SPECC1L: variants seen among roughly 807,000 people sequenced by gnomAD.
SPECC1L encodes cytospin-A.
SPECC1L carries 40 observed loss-of-function variants against 116.8 expected under a neutral mutation model. The observed-to-expected ratio is 0.34, with a 90% CI of 0.27 to 0.45. SPECC1L has a LOEUF of 0.45. SPECC1L is among the 20% of genes least tolerant of loss of function. SPECC1L has a pLI of 1.00. For synonymous variants in SPECC1L, 504 were observed against 500.6 expected (o/e 1.01, Z -0.09); for missense variants, 1,110 against 1,373.6 (o/e 0.81, Z 3.03).
Position 24,415,059 on chromosome 22 carries a change from C to T in SPECC1L, c.*436C>T. ...CTATTGGCTGGGGTGGGTTCCGGTG[C>T]TGGTGAGAACCCAGAAGGAGAGTCA... On this transcript the variant is annotated 3_prime_UTR_variant, in exon 17 of 17. Coordinates refer to ENST00000314328, the MANE Select transcript of SPECC1L (RefSeq NM_015330.6). 4.1e-6 allele frequency: 1 copy of T among 243,288 alleles called. No homozygotes were observed. The highest frequency in any genetic ancestry group is 5.2e-5 in the South Asian group (1 of 19,122). 15.1% of individuals were successfully genotyped at this position (243,288 alleles called of 1,614,324 possible). A position where few individuals can be genotyped will look rare whatever the true frequency, so the allele number is the denominator to read the frequency against.
chr22:24,349,937 C>T (rs1339070611), intron 11 of SPECC1L, among the ~76,000 whole-genome samples: 4 of 152,148 alleles, frequency 2.6e-5, no homozygotes, highest in Admixed American at 2.0e-4. Context: ...TCTACATCTC[C>T]CCATTTCTTC....
intron 2 of SPECC1L, among the ~76,000 whole-genome samples, chr22:24,279,029 G>A (rs1157543528): frequency 1.3e-5 from 2 of 152,218 alleles, no homozygotes; most frequent in Admixed American, 6.5e-5. Flanking sequence ...ATATGTATAT[G>A]TGTTGAAAGG....
chr22:24,407,256 C>G, intron 14 of SPECC1L, among the ~76,000 whole-genome samples: 1 of 152,254 alleles, frequency 6.6e-6, no homozygotes, highest in East Asian at 1.9e-4. Flanking sequence ...CAGCCTGGAA[C>G]TGAAGAAGCC....
intron 14 of SPECC1L, among the ~76,000 whole-genome samples, chr22:24,386,943 A>G (rs1242366038): frequency 1.3e-5 from 2 of 152,188 alleles, no homozygotes; most frequent in African/African-American, 2.4e-5. Flanking sequence ...AAAATAAATT[A>G]TAGCCAGGCT....
chr22:24,400,155 A>G (rs987848499), intron 14 of SPECC1L, among the ~76,000 whole-genome samples: 2 of 152,240 alleles, frequency 1.3e-5, no homozygotes, highest in African/African-American at 4.8e-5. Context: ...TGCATTTGCA[A>G]TGTGTATTCA....
intron 1 of SPECC1L, among the ~76,000 whole-genome samples, chr22:24,273,332 GA>G (rs1371933268): frequency 1.3e-5 from 2 of 151,852 alleles, no homozygotes; most frequent in African/African-American, 4.8e-5. Flanking sequence ...ACAGAAATAA[GA>G]AAAAAAGGAC....
At chr22:24,383,792 A>AATTTTTTTTTT (rs2042105646) in intron 14 of SPECC1L, among the ~76,000 whole-genome samples, 6 of 77,338 alleles carry the variant, frequency 7.8e-5, no homozygotes, top group Admixed American at 1.4e-4. Context: ...ACCCACCACT[A>AATTTTTTTTTT]TTTTTTTTTT....
In SPECC1L at chr22:24,365,471, C is replaced by T. The variant is rs200986752; in HGVS notation, c.2828-5C>T. 2.7e-5 allele frequency: 43 copies of T among 1,613,730 alleles called. No homozygotes were observed. Among genetic ancestry groups the T allele is most frequent in the Non-Finnish European group, 2.5e-5 (30 of 1,179,922 alleles). On this transcript the variant is annotated splice_region_variant and splice_polypyrimidine_tract_variant and intron_variant, in intron 12 of 16. Coordinates refer to ENST00000314328, the MANE Select transcript of SPECC1L (RefSeq NM_015330.6). ...TATAGAGTGCATAATGACTATTTCT[C>T]ACAGTGTCTCGACGAAGTAGTGAAG...
chr22:24,398,382 G>A (rs2042407305), intron 14 of SPECC1L, among the ~76,000 whole-genome samples: 2 of 152,200 alleles, frequency 1.3e-5, no homozygotes, highest in South Asian at 2.1e-4. Context: ...CAGTCCTACA[G>A]GCAGTACAAA....
intron 2 of SPECC1L, among the ~76,000 whole-genome samples, chr22:24,299,697 T>C (rs1479640977): frequency 6.6e-6 from 1 of 151,690 alleles, no homozygotes; most frequent in Non-Finnish European, 1.5e-5. Context: ...TAGGAAAAAC[T>C]TATGGTTTTT....
intron 1 of SPECC1L, among the ~76,000 whole-genome samples, chr22:24,273,060 T>C (rs2048761197): frequency 6.6e-6 from 1 of 152,214 alleles, no homozygotes; most frequent in African/African-American, 2.4e-5. Context: ...CTGTAATAAT[T>C]ACAATTACAG....
intron 2 of SPECC1L, among the ~76,000 whole-genome samples, chr22:24,298,161 A>G (rs2049304256): frequency 1.3e-5 from 2 of 152,162 alleles, no homozygotes; most frequent in African/African-American, 4.8e-5. Context: ...TTATTATAAA[A>G]TAGGCTTCAT....
intron 4 of SPECC1L, among the ~76,000 whole-genome samples, chr22:24,317,510 G>A (rs1370789903): frequency 7.7e-6 from 1 of 129,280 alleles, no homozygotes; most frequent in Non-Finnish European, 1.8e-5. Flanking sequence ...CCTCCCGGAC[G>A]GGGCGGCTGG....
intron 14 of SPECC1L, among the ~76,000 whole-genome samples, chr22:24,385,413 A>C (rs1386480279): frequency 6.6e-6 from 1 of 152,322 alleles, no homozygotes; most frequent in South Asian, 2.1e-4. Flanking sequence ...TAAAAGACAA[A>C]GATTTTCATG....
intron 14 of SPECC1L, among the ~76,000 whole-genome samples, chr22:24,394,924 G>A (rs1425356031): frequency 3.3e-5 from 5 of 152,154 alleles, no homozygotes; most frequent in African/African-American, 9.6e-5. Flanking sequence ...TTGAACTCCT[G>A]GGCTCAATCG....
chr22:24,379,187 A>C (rs2042019055), intron 14 of SPECC1L, among the ~76,000 whole-genome samples: 1 of 151,976 alleles, frequency 6.6e-6, no homozygotes. Context: ...CAGCGTTGGC[A>C]ACATAGTGAG....
chr22:24,403,459 A>G (rs1214834804), intron 14 of SPECC1L, among the ~76,000 whole-genome samples: 1 of 152,216 alleles, frequency 6.6e-6, no homozygotes, highest in African/African-American at 2.4e-5. Flanking sequence ...ATAGTGAACA[A>G]TAGAAATTCC....
intron 10 of SPECC1L, chr22:24,343,437 A>T (rs200715889): frequency 2.2e-6 from 1 of 448,296 alleles, no homozygotes; most frequent in Non-Finnish European, 4.5e-6. Context: ...TCAGAAGACA[A>T]CAAAATGGTT....
intron 2 of SPECC1L, among the ~76,000 whole-genome samples, chr22:24,284,271 ATATGT>A (rs2049000163): frequency 6.6e-6 from 1 of 151,942 alleles, no homozygotes; most frequent in Non-Finnish European, 1.5e-5. Flanking sequence ...ACAAATTTTG[ATATGT>A]TATGTTTTCA....
Sources: allele counts gnomAD v4.1 joint callset (sites outside exome capture counted in the v4.1 genomes callset), GRCh38; gene constraint gnomAD v4.1.1; transcripts MANE v1.5; gene names NCBI Gene and HGNC (gene_info 2026-07-23, HGNC 2026-07-21).